The following OR51C1 variants were observed in gnomAD, a reference collection of about 807,000 sequenced individuals.
The protein encoded by OR51C1 is olfactory receptor OR51C1.
chr11:4,692,224 A>C, the OR51C1 span: 1 of 443,152 alleles, frequency 2.3e-6, no homozygotes, highest in South Asian at 1.6e-5. Context: ...ATGAAGAAAG[A>C]GATCATTATA....
At chr11:4,693,169 G>A in the OR51C1 span, among the ~76,000 whole-genome samples, 2 of 152,098 alleles carry the variant, frequency 1.3e-5, no homozygotes, top group East Asian at 3.9e-4. Context: ...GCTTGATTTG[G>A]TCATTCCACA....
the OR51C1 span, among the ~76,000 whole-genome samples, chr11:4,697,141 A>G: frequency 1.3e-5 from 2 of 152,216 alleles, no homozygotes; most frequent in Non-Finnish European, 2.9e-5. Flanking sequence ...ACATATTTGA[A>G]ATCACATACA....
At chr11:4,697,596 G>C in the OR51C1 span, 4 of 152,668 alleles carry the variant, frequency 2.6e-5, no homozygotes, top group Admixed American at 2.0e-4. Context: ...CTGTGGGTGA[G>C]AAAGTCCAAT....
At chr11:4,691,173 T>A in the OR51C1 span, 3 of 456,656 alleles carry the variant, frequency 6.6e-6, no homozygotes, top group Non-Finnish European at 1.3e-5. Flanking sequence ...GTAGGAGTGG[T>A]GGAGTACTTG....
chr11:4,693,605 C>T, the OR51C1 span, among the ~76,000 whole-genome samples: 1 of 152,064 alleles, frequency 6.6e-6, no homozygotes, highest in African/African-American at 2.4e-5. Context: ...CCTGTAGTTC[C>T]AGCTACTGGG....
At chr11:4,691,166 G>A in the OR51C1 span, 559 of 456,792 alleles carry the variant, frequency 1.2e-3, 6 homozygotes, top group South Asian at 7.9e-3. Context: ...GGTAGCAGTA[G>A]GAGTGGTGGA....
At chr11:4,693,582 G>C in the OR51C1 span, among the ~76,000 whole-genome samples, 5 of 152,076 alleles carry the variant, frequency 3.3e-5, no homozygotes, top group African/African-American at 9.7e-5. Context: ...TTAGCCGGGC[G>C]TGGTGGCGGG....
At chr11:4,691,518 T>C in the OR51C1 span, 1 of 456,870 alleles carries the variant, frequency 2.2e-6, no homozygotes, top group South Asian at 1.6e-5. Context: ...GAGGAAATAG[T>C]ACATTGGTTC....
the OR51C1 span, chr11:4,691,477 A>G: frequency 2.4e-5 from 11 of 456,186 alleles, no homozygotes; most frequent in Non-Finnish European, 4.4e-5. Context: ...GTGGATATGG[A>G]CAGGCCGAGG....
the OR51C1 span, chr11:4,691,779 A>C: frequency 3.1e-6 from 1 of 319,846 alleles, no homozygotes; most frequent in Non-Finnish European, 6.1e-6. Flanking sequence ...GATCGAATTA[A>C]AATAATTTTA....
the OR51C1 span, among the ~76,000 whole-genome samples, chr11:4,691,854 A>T: frequency 6.6e-6 from 1 of 152,240 alleles, no homozygotes; most frequent in Non-Finnish European, 1.5e-5. Context: ...TAAATTGATT[A>T]AAAAATGTCA....
At chr11:4,690,464 G>A in the OR51C1 span, 1 of 169,742 alleles carries the variant, frequency 5.9e-6, no homozygotes, top group East Asian at 1.7e-4. Context: ...GTGTTGGCAG[G>A]GACAGAAGGC....
chr11:4,694,602 A>G, the OR51C1 span, among the ~76,000 whole-genome samples: 1 of 151,342 alleles, frequency 6.6e-6, no homozygotes, highest in Non-Finnish European at 1.5e-5. Flanking sequence ...ACACACACAT[A>G]TGCAGGGAGC....
chr11:4,692,392 A>C, the OR51C1 span, among the ~76,000 whole-genome samples: 1 of 152,194 alleles, frequency 6.6e-6, no homozygotes, highest in African/African-American at 2.4e-5. Flanking sequence ...CCCCCACCTG[A>C]TATAATGTGC....
the OR51C1 span, among the ~76,000 whole-genome samples, chr11:4,694,505 C>T: frequency 7.0e-6 from 1 of 143,322 alleles, no homozygotes; most frequent in Non-Finnish European, 1.5e-5. Flanking sequence ...TATATATACA[C>T]ACACATATAT....
chr11:4,696,943 C>T, the OR51C1 span, among the ~76,000 whole-genome samples: 2 of 152,166 alleles, frequency 1.3e-5, no homozygotes, highest in African/African-American at 2.4e-5. Flanking sequence ...AGACCATCTA[C>T]ACCATTAATA....
the OR51C1 span, chr11:4,690,662 G>A: frequency 6.2e-6 from 2 of 324,658 alleles, no homozygotes; most frequent in Non-Finnish European, 1.2e-5. Flanking sequence ...AGCTTCAATG[G>A]GCACCAGTTC....
the OR51C1 span, chr11:4,691,744 A>G: frequency 5.8e-6 from 2 of 342,882 alleles, no homozygotes; most frequent in African/African-American, 2.1e-5. Flanking sequence ...CTTAAACAAA[A>G]AAAAGCTACA....
the OR51C1 span, among the ~76,000 whole-genome samples, chr11:4,693,321 T>G: frequency 6.6e-6 from 1 of 152,176 alleles, no homozygotes; most frequent in Non-Finnish European, 1.5e-5. Flanking sequence ...TCAGTAGGTT[T>G]GTAGTATTTG....
Sources: allele counts gnomAD v4.1 joint callset (sites outside exome capture counted in the v4.1 genomes callset), GRCh38; gene constraint gnomAD v4.1.1; transcripts MANE v1.5; gene names NCBI Gene and HGNC (gene_info 2026-07-23, HGNC 2026-07-21).